Variants in PPP6R3 observed in about 807,000 individuals in gnomAD.
The protein encoded by PPP6R3 is protein phosphatase 6 regulatory subunit 3.
Under a neutral mutation model 110.7 loss-of-function variants are expected in PPP6R3, and 38 were observed. The ratio of observed to expected loss-of-function variants is 0.34; its 90% CI spans 0.26 to 0.45. The LOEUF (loss-of-function observed/expected upper bound fraction) is 0.45, where lower values mean the gene tolerates loss of function less well. Among genes scored for constraint, PPP6R3 ranks in the 20% least tolerant of loss-of-function variants. The pLI, the probability that PPP6R3 is intolerant of heterozygous loss-of-function variation, is 1.00. For synonymous variants in PPP6R3, 369 were observed against 373.5 expected (o/e 0.99, Z 0.14); for missense variants, 870 against 1,062.4 (o/e 0.82, Z 2.52).
chr11:68,558,549 T>C lies in PPP6R3; in HGVS notation c.732-17T>C. 11 of 1,545,014 alleles carry C rather than the reference T, an allele frequency of 7.1e-6. No individual in the cohort carries two copies. Among genetic ancestry groups the C allele is most frequent in the Non-Finnish European group, 9.8e-6 (11 of 1,119,916 alleles). On this transcript the variant is annotated splice_polypyrimidine_tract_variant and intron_variant, in intron 7 of 23. Coordinates refer to ENST00000393800, the MANE Select transcript of PPP6R3 (RefSeq NM_001164161.2). ...TAAGTGATACTGCAGTTAGTGATTA[T>C]TGATTTGTTTCCCTAGGCAAGAAAT...
intron 1 of PPP6R3, among the ~76,000 whole-genome samples, chr11:68,493,408 A>G (rs566837272): frequency 2.0e-5 from 3 of 152,092 alleles, no homozygotes; most frequent in Admixed American, 6.6e-5. Flanking sequence ...TCATGAGATT[A>G]TGTAATCAAA....
At chr11:68,517,938 CA>C (rs34246025) in intron 1 of PPP6R3, among the ~76,000 whole-genome samples, 1,902 of 127,996 alleles carry the variant, frequency 0.015, 9 homozygotes, top group Admixed American at 0.017. Context: ...ACCCTGTCTT[CA>C]AAAAAAAAAA....
chr11:68,487,139 G>C (rs1591846776), intron 1 of PPP6R3, among the ~76,000 whole-genome samples: 1 of 152,044 alleles, frequency 6.6e-6, no homozygotes, highest in Non-Finnish European at 1.5e-5. Context: ...TACTTTTTCT[G>C]GTTTCCTAAG....
At chr11:68,582,456 G>T (rs2099560757) in intron 14 of PPP6R3, among the ~76,000 whole-genome samples, 1 of 152,216 alleles carries the variant, frequency 6.6e-6, no homozygotes, top group African/African-American at 2.4e-5. Flanking sequence ...AGTTCTGGGG[G>T]CAGGGTGCAC....
At chr11:68,540,179 A>C (rs1308459310) in intron 3 of PPP6R3, among the ~76,000 whole-genome samples, 1 of 152,192 alleles carries the variant, frequency 6.6e-6, no homozygotes, top group Admixed American at 6.5e-5. Flanking sequence ...TTTTGAGCAA[A>C]TGTGTGCATG....
At chr11:68,504,078 T>C (rs1268974145) in intron 1 of PPP6R3, among the ~76,000 whole-genome samples, 1 of 152,228 alleles carries the variant, frequency 6.6e-6, no homozygotes, top group Non-Finnish European at 1.5e-5. Flanking sequence ...GCAGATCCAC[T>C]TCTGGAAATA....
intron 8 of PPP6R3, among the ~76,000 whole-genome samples, chr11:68,564,096 C>T (rs749962878): frequency 1.3e-5 from 2 of 152,166 alleles, no homozygotes; most frequent in Non-Finnish European, 2.9e-5. Context: ...TTACCTGATA[C>T]TGTAGCTGTT....
rs1007452446 is a variant in PPP6R3, at chr11:68,569,966, T to C, written c.1278+69T>C. ...ATAGCAGTTTTCCACTTGACTGTGATGTGAATTGAGGTTTAAAGGGCTTGA... is the reference window on the plus strand; with the variant it reads ...ATAGCAGTTTTCCACTTGACTGTGACGTGAATTGAGGTTTAAAGGGCTTGA... On this transcript the variant is annotated intron_variant, in intron 11 of 23. Coordinates refer to ENST00000393800, the MANE Select transcript of PPP6R3 (RefSeq NM_001164161.2). 4.8e-5 allele frequency: 69 copies of C among 1,449,172 alleles called. No individual in the cohort carries two copies. The Middle Eastern group carries it at 5.4e-4, about 11-fold the overall frequency. 89.8% of individuals were successfully genotyped at this position (1,449,172 alleles called of 1,614,324 possible). A position where few individuals can be genotyped will look rare whatever the true frequency, so the allele number is the denominator to read the frequency against.
At chr11:68,592,403 G>A (rs2099598275) in intron 18 of PPP6R3, among the ~76,000 whole-genome samples, 1 of 152,158 alleles carries the variant, frequency 6.6e-6, no homozygotes. Context: ...AATTCAAAGG[G>A]AATCAAAGAG....
At chr11:68,484,932 C>G (rs1176088615) in intron 1 of PPP6R3, among the ~76,000 whole-genome samples, 1 of 152,126 alleles carries the variant, frequency 6.6e-6, no homozygotes, top group Non-Finnish European at 1.5e-5. Context: ...AATGTGTTGT[C>G]AGATTTTGAT....
At chr11:68,543,228 G>A (rs868798942) in intron 3 of PPP6R3, among the ~76,000 whole-genome samples, 5 of 152,126 alleles carry the variant, frequency 3.3e-5, no homozygotes, top group Admixed American at 1.3e-4. Context: ...GGTAGAGGCC[G>A]GTTTTGAACT....
intron 1 of PPP6R3, among the ~76,000 whole-genome samples, chr11:68,497,174 G>T: frequency 6.6e-6 from 1 of 151,210 alleles, no homozygotes; most frequent in East Asian, 1.9e-4. Flanking sequence ...AGCCTCCCGA[G>T]TAGCTGGGAC....
chr11:68,464,639 A>G (rs1024255075), intron 1 of PPP6R3, among the ~76,000 whole-genome samples: 2 of 152,210 alleles, frequency 1.3e-5, no homozygotes, highest in African/African-American at 4.8e-5. Context: ...ACCATTTTTC[A>G]GATGCCTGAA....
At chr11:68,587,660 G>A in intron 15 of PPP6R3, 1 of 505,958 alleles carries the variant, frequency 2.0e-6, no homozygotes, top group South Asian at 2.0e-5. Flanking sequence ...TCTCTCTAAA[G>A]ATAATTCACA....
chr11:68,508,529 T>C (rs1173673650), intron 1 of PPP6R3, among the ~76,000 whole-genome samples: 1 of 152,028 alleles, frequency 6.6e-6, no homozygotes, highest in African/African-American at 2.4e-5. Context: ...AATAATAGGA[T>C]GGAAAAGTAC....
chr11:68,555,878 T>C (rs2099397447), intron 7 of PPP6R3, among the ~76,000 whole-genome samples: 1 of 152,220 alleles, frequency 6.6e-6, no homozygotes, highest in Non-Finnish European at 1.5e-5. Flanking sequence ...GTCATAGTGC[T>C]TCCCACAGTC....
chr11:68,524,753 G>A (rs1281886894), intron 2 of PPP6R3, among the ~76,000 whole-genome samples: 3 of 152,050 alleles, frequency 2.0e-5, no homozygotes, highest in African/African-American at 7.2e-5. Context: ...CCCATTATTA[G>A]CTCTTCCTCT....
chr11:68,513,130 C>G (rs1215455461), intron 1 of PPP6R3, among the ~76,000 whole-genome samples: 1 of 152,064 alleles, frequency 6.6e-6, no homozygotes, highest in Admixed American at 6.6e-5. Flanking sequence ...GGTTCTCAGG[C>G]CCTTTGGACT....
chr11:68,609,825 C>T, intron 22 of PPP6R3, 79 bp from the exon 23 acceptor site: 2 of 1,600,186 alleles, frequency 1.2e-6, no homozygotes, highest in Non-Finnish European at 1.7e-6. Context: ...CCAGAGCCAT[C>T]TGCATGTGAC....
Sources: gnomAD v4.1 joint callset for allele counts (sites outside exome capture counted in the v4.1 genomes callset) on GRCh38, gnomAD v4.1.1 for gene constraint, MANE v1.5 for transcripts, NCBI Gene and HGNC (gene_info 2026-07-23, HGNC 2026-07-21) for gene names.